Variants in TNRC6B observed in about 807,000 individuals in gnomAD.
The protein encoded by TNRC6B is trinucleotide repeat-containing gene 6B protein.
In TNRC6B, 52 loss-of-function variants were observed where a neutral mutation model predicts 203.6. The observed-to-expected ratio is 0.26, with a 90% CI of 0.20 to 0.32. The LOEUF (loss-of-function observed/expected upper bound fraction) is 0.32, where lower values mean the gene tolerates loss of function less well. TNRC6B is among the 10% of genes least tolerant of loss of function. TNRC6B has a pLI of 1.00. For missense variants in TNRC6B, 1,923 were observed against 2,286.2 expected, an observed-to-expected ratio of 0.84 and a Z score of 3.24; for synonymous variants, 838 against 845.7, an observed-to-expected ratio of 0.99 and a Z score of 0.16.
intron 1 of TNRC6B, among the ~76,000 whole-genome samples, chr22:40,075,506 G>A (rs563869191): frequency 6.6e-5 from 10 of 151,406 alleles, no homozygotes; most frequent in African/African-American, 1.9e-4. Context: ...TAACTTATTC[G>A]TGTCTTTATT....
At chr22:40,258,091 T>TTTTTTTTTTTTTTTTTTTTTTTTTTTC (rs2070311294) in intron 3 of TNRC6B, among the ~76,000 whole-genome samples, 1 of 143,164 alleles carries the variant, frequency 7.0e-6, no homozygotes, top group East Asian at 2.1e-4. Flanking sequence ...TTTTTTTTTT[T>TTTTTTTTTTTTTTTTTTTTTTTTTTTC]TTTTTTTTTT....
chr22:40,320,610 G>T (rs1362823717), intron 21 of TNRC6B, among the ~76,000 whole-genome samples: 2 of 152,226 alleles, frequency 1.3e-5, no homozygotes, highest in African/African-American at 2.4e-5. Flanking sequence ...AGTCTAACTG[G>T]GGTGAGGGGT....
In TNRC6B at chr22:40,281,116, CA is replaced by C; in HGVS notation, c.3412-2del. 1.3e-6 allele frequency: 2 copies of C among 1,547,182 alleles called. No homozygotes were observed. The highest frequency in any genetic ancestry group is 1.7e-6 in the Non-Finnish European group (2 of 1,144,892). ...TGATTGGCTAACTCCTACTACTTTT[CA>C]GCTGACTTTGCCTTTCTCCAATCAA... On this transcript the variant is annotated splice_acceptor_variant, in intron 10 of 22. Coordinates refer to ENST00000454349, the MANE Select transcript of TNRC6B (RefSeq NM_001162501.2). LOFTEE classifies it high-confidence loss of function.
rs2070597707 is a variant in TNRC6B at position 40,273,703 on chromosome 22, C to T, written c.3141+103C>T. The T allele has an allele frequency of 2.3e-6, 3 of 1,305,426 alleles. No homozygotes were observed. The African/African-American group carries it at 4.4e-5, about 19-fold the overall frequency. The allele number at this position is 1,305,426 out of a possible 1,614,324, so 80.9% of individuals were successfully genotyped here. A position where few individuals can be genotyped will look rare whatever the true frequency, so the allele number is the denominator to read the frequency against. ...GTTTTGAGACAAGTTCTCCCTCTGTCACCCAGACTGGAGTGCAGTGGGACA... is the reference window on the plus strand; with the variant it reads ...GTTTTGAGACAAGTTCTCCCTCTGTTACCCAGACTGGAGTGCAGTGGGACA... On this transcript the variant is annotated intron_variant, in intron 7 of 22. Coordinates refer to ENST00000454349, the MANE Select transcript of TNRC6B (RefSeq NM_001162501.2).
chr22:40,130,992 C>T (rs1005878006), intron 3 of TNRC6B, among the ~76,000 whole-genome samples: 1 of 151,052 alleles, frequency 6.6e-6, no homozygotes, highest in Admixed American at 6.6e-5. Flanking sequence ...AGCTCCGCCT[C>T]CCGGGTTCAC....
At chr22:40,122,043 T>C (rs1264384376) in intron 2 of TNRC6B, among the ~76,000 whole-genome samples, 7 of 152,204 alleles carry the variant, frequency 4.6e-5, no homozygotes, top group Non-Finnish European at 2.9e-5. Flanking sequence ...GCCACATGTA[T>C]TTTACTCCCT....
At chr22:40,101,835 A>C (rs1359235940) in intron 1 of TNRC6B, among the ~76,000 whole-genome samples, 1 of 152,208 alleles carries the variant, frequency 6.6e-6, no homozygotes. Context: ...TATTTGAATA[A>C]AATACAGCTG....
At chr22:40,118,864 A>G (rs990580399) in intron 2 of TNRC6B, among the ~76,000 whole-genome samples, 4 of 152,226 alleles carry the variant, frequency 2.6e-5, no homozygotes, top group African/African-American at 9.6e-5. Context: ...GGATCAGGAA[A>G]TAGTTCATAA....
intron 4 of TNRC6B, among the ~76,000 whole-genome samples, chr22:40,164,527 C>A (rs1016728417): frequency 6.6e-6 from 1 of 150,586 alleles, no homozygotes; most frequent in African/African-American, 2.4e-5. Context: ...TATTGGGAGG[C>A]CAAGGCGGGT....
rs932114319 is a variant in TNRC6B at position 40,050,703 on chromosome 22, A to T, written c.-121+5705A>T. On this transcript the variant is annotated intron_variant, in intron 1 of 23. Transcript: ENST00000301923. ...CTGTTTTGGTCCTGAATCTCAGTGT[A>T]TCTCCAGAGCCTGGCCAAGTGTCAG... 2.0e-5 allele frequency among the ~76,000 whole-genome samples: 3 copies of T among 152,160 alleles called. No individual in the cohort carries two copies. In the East Asian group the frequency reaches 5.8e-4, roughly 29 times the overall value.
At chr22:40,078,947 G>A (rs966052136) in intron 1 of TNRC6B, among the ~76,000 whole-genome samples, 5 of 151,870 alleles carry the variant, frequency 3.3e-5, no homozygotes, top group Non-Finnish European at 7.4e-5. Flanking sequence ...GGTGGTGGGA[G>A]CCTATAATCT....
intron 15 of TNRC6B, among the ~76,000 whole-genome samples, chr22:40,305,716 G>A (rs1238390600): frequency 6.6e-6 from 1 of 152,180 alleles, no homozygotes; most frequent in Admixed American, 6.5e-5. Context: ...TATTTTTCCT[G>A]ACCAAACCTT....
At chr22:40,051,476 A>T (rs906065458) in intron 1 of TNRC6B, among the ~76,000 whole-genome samples, 1 of 152,200 alleles carries the variant, frequency 6.6e-6, no homozygotes, top group Non-Finnish European at 1.5e-5. Flanking sequence ...AGCTGAGCCT[A>T]CTTACCCTTT....
chr22:40,157,497 G>A (rs1459533248), intron 4 of TNRC6B, among the ~76,000 whole-genome samples: 1 of 152,138 alleles, frequency 6.6e-6, no homozygotes, highest in Non-Finnish European at 1.5e-5. Context: ...TGTATTTGTT[G>A]TGAATGGAAA....
intron 1 of TNRC6B, among the ~76,000 whole-genome samples, chr22:40,191,940 G>T (rs548482143): frequency 1.3e-5 from 2 of 152,112 alleles, no homozygotes; most frequent in Non-Finnish European, 2.9e-5. Flanking sequence ...TAGTAGAGAC[G>T]GGGTTTCGCC....
chr22:40,112,744 G>A (rs756937916), intron 1 of TNRC6B, among the ~76,000 whole-genome samples: 3 of 152,138 alleles, frequency 2.0e-5, no homozygotes, highest in Non-Finnish European at 2.9e-5. Flanking sequence ...AGATTGATAG[G>A]GACAGAAATC....
chr22:40,045,088 C>T (rs1445371597), intron 1 of TNRC6B: 1 of 144,496 alleles, frequency 6.9e-6, no homozygotes, highest in Non-Finnish European at 1.5e-5. Flanking sequence ...CGAGGGCGCC[C>T]CCGGGGGCGC....
chr22:40,068,775 G>A (rs544276216), intron 1 of TNRC6B, among the ~76,000 whole-genome samples: 117 of 151,662 alleles, frequency 7.7e-4, no homozygotes, highest in Non-Finnish European at 1.4e-3. Context: ...CTACAGATGA[G>A]GTCTCGCCGT....
intron 1 of TNRC6B, among the ~76,000 whole-genome samples, chr22:40,096,378 T>C (rs1601812460): frequency 1.3e-5 from 2 of 152,342 alleles, no homozygotes; most frequent in South Asian, 4.1e-4. Flanking sequence ...GTTACCTCTT[T>C]TAGAAGCATC....
Sources: gnomAD v4.1 joint callset for allele counts (sites outside exome capture counted in the v4.1 genomes callset) on GRCh38, gnomAD v4.1.1 for gene constraint, MANE v1.5 for transcripts, NCBI Gene and HGNC (gene_info 2026-07-23, HGNC 2026-07-21) for gene names.